Variants in SHANK2 observed in about 807,000 individuals in gnomAD.
SHANK2 encodes SH3 and multiple ankyrin repeat domains protein 2.
In SHANK2, 43 loss-of-function variants were observed where a neutral mutation model predicts 133.7. The ratio of observed to expected loss-of-function variants is 0.32; its 90% CI spans 0.25 to 0.41. The LOEUF (loss-of-function observed/expected upper bound fraction) is 0.41, where lower values mean the gene tolerates loss of function less well. Ranked by LOEUF, SHANK2 falls within the 10% of genes least tolerant of loss-of-function variation. The pLI is 1.00. For missense variants in SHANK2, 1,994 were observed against 2,235.8 expected (o/e 0.89, Z 2.18); for synonymous variants, 1,017 against 952.8 (o/e 1.07, Z -1.24).
chr11:70,757,011 A>G (rs1208258020), intron 14 of SHANK2, among the ~76,000 whole-genome samples: 1 of 152,150 alleles, frequency 6.6e-6, no homozygotes, highest in Non-Finnish European at 1.5e-5. Flanking sequence ...TTTCCATGAT[A>G]TTGGACGTTT....
chr11:70,710,555 G>A (rs184219124), intron 14 of SHANK2, among the ~76,000 whole-genome samples: 18 of 152,346 alleles, frequency 1.2e-4, no homozygotes, highest in African/African-American at 4.1e-4. Context: ...TGGTGAAAGG[G>A]GGATTATCAG....
intron 17 of SHANK2, among the ~76,000 whole-genome samples, chr11:70,539,351 G>A (rs1267640713): frequency 6.6e-6 from 1 of 152,218 alleles, no homozygotes; most frequent in Non-Finnish European, 1.5e-5. Context: ...TTTAAAGAAA[G>A]TAGAGTAAAT....
At chr11:70,474,396 C>G (rs1024823024) in intron 25 of SHANK2, 7 of 152,204 alleles carry the variant, frequency 4.6e-5, no homozygotes, top group Non-Finnish European at 8.8e-5. Flanking sequence ...GGAGGACGAC[C>G]CTTCTAGCTC....
At chr11:70,816,616 C>A (rs150960560) in intron 12 of SHANK2, among the ~76,000 whole-genome samples, 1 of 152,198 alleles carries the variant, frequency 6.6e-6, no homozygotes, top group Non-Finnish European at 1.5e-5. Flanking sequence ...GTAAGGCAGG[C>A]GCACAAGGCA....
intron 14 of SHANK2, among the ~76,000 whole-genome samples, chr11:70,784,654 G>A (rs78001750): frequency 0.026 from 3,943 of 152,222 alleles, 175 homozygotes; most frequent in African/African-American, 0.091. Flanking sequence ...CCAGCGAGGT[G>A]ATGTCCCCAG....
chr11:71,093,784 A>G (rs1437849088), intron 7 of SHANK2, among the ~76,000 whole-genome samples: 1 of 152,144 alleles, frequency 6.6e-6, no homozygotes, highest in Non-Finnish European at 1.5e-5. Context: ...AGACTCACAC[A>G]CCAACAGAAG....
chr11:71,077,912 C>T (rs903705491), intron 8 of SHANK2, among the ~76,000 whole-genome samples: 19 of 152,228 alleles, frequency 1.2e-4, no homozygotes, highest in East Asian at 3.9e-4. Flanking sequence ...TAGAAACTCA[C>T]GGTTCCTAAT....
chr11:70,817,698 G>A (rs999284341), intron 12 of SHANK2, among the ~76,000 whole-genome samples: 1 of 152,188 alleles, frequency 6.6e-6, no homozygotes, highest in Non-Finnish European at 1.5e-5. Context: ...CACCCTGAAC[G>A]CCTTCAGCTG....
intron 14 of SHANK2, among the ~76,000 whole-genome samples, chr11:70,790,356 G>A (rs1947762422): frequency 6.6e-6 from 1 of 152,196 alleles, no homozygotes; most frequent in Non-Finnish European, 1.5e-5. Context: ...AGCTTTATGG[G>A]CCAACGGACC....
chr11:71,222,460 T>C (rs1954566637), intron 2 of SHANK2, among the ~76,000 whole-genome samples: 1 of 152,064 alleles, frequency 6.6e-6, no homozygotes, highest in Non-Finnish European at 1.5e-5. Context: ...GTTCCTTTCT[T>C]ACGAAGCTCC....
At chr11:70,671,893 C>T (rs566516050) in intron 15 of SHANK2, among the ~76,000 whole-genome samples, 2 of 152,228 alleles carry the variant, frequency 1.3e-5, no homozygotes, top group African/African-American at 4.8e-5. Context: ...CTGAAGTGAG[C>T]TCTTTCCTTC....
At chr11:70,678,324 G>A (rs1249830027) in intron 15 of SHANK2, among the ~76,000 whole-genome samples, 1 of 151,846 alleles carries the variant, frequency 6.6e-6, no homozygotes, top group African/African-American at 2.4e-5. Context: ...TGTAGAGATG[G>A]GGTCTCGCTT....
chr11:70,877,698 G>C (rs1949591242), intron 11 of SHANK2, among the ~76,000 whole-genome samples: 1 of 152,172 alleles, frequency 6.6e-6, no homozygotes, highest in Non-Finnish European at 1.5e-5. Context: ...CATGTCATTG[G>C]CTGGACTCCT....
chr11:71,086,354 T>C (rs1951415730), intron 8 of SHANK2, among the ~76,000 whole-genome samples: 1 of 125,996 alleles, frequency 7.9e-6, no homozygotes, highest in Non-Finnish European at 1.6e-5. Context: ...ATATAGTATA[T>C]GTTATATTAT....
At chr11:70,823,668 G>A (rs555980588) in intron 11 of SHANK2, among the ~76,000 whole-genome samples, 1 of 148,826 alleles carries the variant, frequency 6.7e-6, no homozygotes, top group East Asian at 2.0e-4. Context: ...CAGAACTCAT[G>A]AGGGACAGAG....
intron 25 of SHANK2, among the ~76,000 whole-genome samples, chr11:70,482,345 G>A (rs1555151916): frequency 6.6e-6 from 1 of 152,208 alleles, no homozygotes; most frequent in Admixed American, 6.5e-5. Context: ...GCCTCTTGCT[G>A]ACCAAAGAGC....
chr11:70,861,037 T>C (rs556165775), intron 11 of SHANK2, among the ~76,000 whole-genome samples: 14 of 152,306 alleles, frequency 9.2e-5, no homozygotes, highest in African/African-American at 3.4e-4. Context: ...GCGCTGGCCT[T>C]TCCGGGCCCC....
intron 11 of SHANK2, among the ~76,000 whole-genome samples, chr11:70,881,090 C>A (rs1949652517): frequency 6.6e-6 from 1 of 152,202 alleles, no homozygotes; most frequent in Non-Finnish European, 1.5e-5. Context: ...CAGGCTGAAG[C>A]AAAGTGGCCC....
In SHANK2 at chr11:70,862,455, G is replaced by A. The variant is rs141380644; in HGVS notation, c.1174+34046C>T. Among the ~76,000 whole-genome samples, 208 of 152,352 alleles carry A rather than the reference G, an allele frequency of 1.4e-3. 1 individual carries two copies. Among genetic ancestry groups the A allele is most frequent in the African/African-American group, 4.6e-3 (191 of 41,584 alleles). ...ATGGAAATGGAAAGAAGTGCAATAC[G>A]TCAGTTGGTATTTGGAGCCTGGACT... On this transcript the variant is annotated intron_variant, in intron 11 of 25. Transcript: ENST00000601538.
Sources: gnomAD v4.1 joint callset for allele counts (sites outside exome capture counted in the v4.1 genomes callset) on GRCh38, gnomAD v4.1.1 for gene constraint, MANE v1.5 for transcripts, NCBI Gene and HGNC (gene_info 2026-07-23, HGNC 2026-07-21) for gene names.